CDCP1: variants seen among roughly 807,000 people sequenced by gnomAD.
CDCP1 encodes the protein CUB domain containing protein 1, also known as CUB domain-containing protein 1.
Under a neutral mutation model 60.2 loss-of-function variants are expected in CDCP1, and 29 were observed. The observed-to-expected ratio is 0.48, with a 90% CI of 0.36 to 0.66. The LOEUF is 0.66. Among genes scored for constraint, CDCP1 ranks in the 30% least tolerant of loss-of-function variants. CDCP1 has a pLI of 0.00. For missense variants in CDCP1, 876 were observed against 1,074.3 expected, an observed-to-expected ratio of 0.82 and a Z score of 2.58; for synonymous variants, 387 against 431.1, an observed-to-expected ratio of 0.90 and a Z score of 1.27.
At chr3:45,101,987 T>C (rs1044580491) in intron 4 of CDCP1, among the ~76,000 whole-genome samples, 2 of 152,232 alleles carry the variant, frequency 1.3e-5, no homozygotes, top group African/African-American at 4.8e-5. Context: ...TTCAACACTA[T>C]GCTCCAGTGT....
intron 2 of CDCP1, among the ~76,000 whole-genome samples, chr3:45,116,978 T>G (rs1160944297): frequency 6.6e-6 from 1 of 152,234 alleles, no homozygotes; most frequent in African/African-American, 2.4e-5. Context: ...GCTGTATATT[T>G]GTATTTTCTT....
chr3:45,125,222 G>T (rs927598116), intron 1 of CDCP1, among the ~76,000 whole-genome samples: 1 of 152,210 alleles, frequency 6.6e-6, no homozygotes, highest in African/African-American at 2.4e-5. Flanking sequence ...TGGGGAGTTT[G>T]ATTTGGCCAG....
intron 8 of CDCP1, among the ~76,000 whole-genome samples, 189 bp downstream of exon 8, chr3:45,088,865 C>G (rs115113857): frequency 6.6e-6 from 1 of 151,672 alleles, no homozygotes; most frequent in African/African-American, 2.4e-5. Flanking sequence ...TTTATCCCCC[C>G]CTCACCCCCA....
chr3:45,126,180 T>C (rs952447822), intron 1 of CDCP1, among the ~76,000 whole-genome samples: 6 of 123,396 alleles, frequency 4.9e-5, no homozygotes, highest in African/African-American at 6.5e-5. Context: ...CTTTCCTTCT[T>C]TCTCTCTCTC....
intron 6 of CDCP1, among the ~76,000 whole-genome samples, chr3:45,092,266 T>A (rs144955371): frequency 1.8e-4 from 27 of 152,306 alleles, no homozygotes; most frequent in Non-Finnish European, 8.8e-5. Flanking sequence ...CAGCTTCCCT[T>A]CAGAAATGCT....
In CDCP1 at chr3:45,083,641, G is replaced by A; in HGVS notation, c.*1997C>T. 6.6e-6 allele frequency: 1 copy of A among 152,402 alleles called. No individual in the cohort carries two copies. The highest frequency in any genetic ancestry group is 1.5e-5 in the Non-Finnish European group (1 of 68,184). The allele number at this position is 152,402 out of a possible 1,614,324, so 9.4% of individuals were successfully genotyped here. A position where few individuals can be genotyped will look rare whatever the true frequency, so the allele number is the denominator to read the frequency against. ...ATGAGGGTGTGGGGCTGGATGCGGT[G>A]GCTCACATCTGTAATCCCAGCACTT... On this transcript the variant is annotated 3_prime_UTR_variant, in exon 9 of 9. Coordinates refer to ENST00000296129, the MANE Select transcript of CDCP1 (RefSeq NM_022842.5).
At chr3:45,136,378 C>T (rs547726142) in intron 1 of CDCP1, among the ~76,000 whole-genome samples, 8 of 152,264 alleles carry the variant, frequency 5.3e-5, no homozygotes, top group Admixed American at 1.3e-4. Context: ...AGAGCTATTG[C>T]TAAGGAAGAA....
chr3:45,092,834 A>G (rs1041371126), intron 6 of CDCP1, among the ~76,000 whole-genome samples: 1 of 151,922 alleles, frequency 6.6e-6, no homozygotes, highest in Non-Finnish European at 1.5e-5. Flanking sequence ...GGCTCCAGAG[A>G]CTCGTCTCCC....
intron 1 of CDCP1, among the ~76,000 whole-genome samples, chr3:45,134,960 T>C (rs1442974942): frequency 6.6e-6 from 1 of 152,188 alleles, no homozygotes; most frequent in African/African-American, 2.4e-5. Context: ...GAAGATACTA[T>C]ATCAACAAGG....
Position 45,082,969 on chromosome 3 carries a change from A to C in CDCP1, c.*2669T>G, listed in dbSNP as rs1180466774. The C allele has an allele frequency of 1.3e-5, 2 of 152,226 alleles. No homozygotes were observed. Among genetic ancestry groups the C allele is most frequent in the Non-Finnish European group, 2.9e-5 (2 of 68,054 alleles). 9.4% of individuals were successfully genotyped at this position (152,226 alleles called of 1,614,324 possible). A position where few individuals can be genotyped will look rare whatever the true frequency, so the allele number is the denominator to read the frequency against. On this transcript the variant is annotated 3_prime_UTR_variant, in exon 9 of 9. Coordinates refer to ENST00000296129, the MANE Select transcript of CDCP1 (RefSeq NM_022842.5). ...GGTCTCAGGAGCCAGCAACTTGTCC[A>C]GGAGTTTTGAGCCCTCAGTTGAAGG...
chr3:45,134,614 C>A (rs539951170), intron 1 of CDCP1, among the ~76,000 whole-genome samples: 18 of 152,234 alleles, frequency 1.2e-4, no homozygotes, highest in African/African-American at 4.1e-4. Context: ...TTGTGTCCAG[C>A]AATCTTAAAG....
rs574793682 is a variant in CDCP1, at chr3:45,091,299, C to T, written c.1867G>A (p.Glu623Lys). The change falls in exon 7 of 9, where the codon GAG (glutamate) becomes AAG (lysine). Residue 623 changes from glutamate (E) to lysine (K), a missense_variant. This residue lies in a region of CDCP1 where 726 missense variants were observed against 935.7 expected (regional missense o/e 0.78). Coordinates refer to ENST00000296129, the MANE Select transcript of CDCP1 (RefSeq NM_022842.5). This position sits in a 1 kb window ranked among gnomAD's most constrained non-coding sequence, Gnocchi z 4.8. The stretch of plus-strand genomic sequence containing the variant: ...AAGCTTGGCTTGGGGAGCACATCCT[C>T]GTCCAGGCTGAAGATCTCCTCAGCC... ...TRAEEIFSLD[E>K]DVLPKPSFHH... 7.4e-6 allele frequency: 12 copies of T among 1,614,054 alleles called. No homozygotes were observed. Among genetic ancestry groups the T allele is most frequent in the Middle Eastern group, 1.6e-4 (1 of 6,062 alleles).
rs1334489637 is a variant in CDCP1 at position 45,089,074 on chromosome 3, G to C, written c.2061C>G (p.Ile687Met). 1.5e-5 allele frequency: 25 copies of C among 1,613,876 alleles called. No individual in the cohort carries two copies. Among genetic ancestry groups the C allele is most frequent in the Middle Eastern group, 1.6e-4 (1 of 6,084 alleles). The change falls in exon 8 of 9, where the codon ATC becomes ATG. Residue 687 changes from isoleucine to methionine, a missense_variant. Physicochemically the swap from Ile to Met is conservative, Grantham distance 10. Around this residue, in one of 2 missense-constraint regions of CDCP1, gnomAD observed 726 missense variants for 935.7 expected, o/e 0.78. Coordinates refer to ENST00000296129, the MANE Select transcript of CDCP1 (RefSeq NM_022842.5). Reference sequence around the variant, plus strand: ...CCTACTTCTTTTTCACACAGCAAATGATGAGCCCGAGGGCAGACAGCAGTA... The same window carrying C: ...CCTACTTCTTTTTCACACAGCAAATCATGAGCCCGAGGGCAGACAGCAGTA... ...GVLLLSALGL[I>M]ICCVKKKKKK...
intron 2 of CDCP1, among the ~76,000 whole-genome samples, chr3:45,112,933 A>G (rs1698725028): frequency 6.6e-6 from 1 of 152,198 alleles, no homozygotes; most frequent in Admixed American, 6.5e-5. Context: ...TTTCTTGATC[A>G]CTGACTTAAA....
intron 4 of CDCP1, among the ~76,000 whole-genome samples, chr3:45,098,850 C>G (rs1698444870): frequency 6.6e-6 from 1 of 152,120 alleles, no homozygotes; most frequent in African/African-American, 2.4e-5. Context: ...TCATTTTAAT[C>G]ATTTCCTTAG....
intron 1 of CDCP1, among the ~76,000 whole-genome samples, chr3:45,127,325 G>T (rs912782815): frequency 4.6e-5 from 7 of 152,178 alleles, no homozygotes; most frequent in Admixed American, 3.3e-4. Context: ...AAGGGAACTG[G>T]CATGGTTCCA....
chr3:45,111,257 A>G (rs1698687932), intron 3 of CDCP1, among the ~76,000 whole-genome samples: 1 of 152,232 alleles, frequency 6.6e-6, no homozygotes, highest in African/African-American at 2.4e-5. Flanking sequence ...ATAATTAGGA[A>G]GTGATGAGTT....
upstream of CDCP1, chr3:45,146,460 CCT>C (rs1329654869): frequency 5.9e-6 from 3 of 510,978 alleles, no homozygotes; most frequent in Non-Finnish European, 1.0e-5. Flanking sequence ...GTGCGTCCCT[CCT>C]CTCTCTCCTC....
intron 1 of CDCP1, among the ~76,000 whole-genome samples, chr3:45,128,207 A>G (rs1699034025): frequency 6.6e-6 from 1 of 152,226 alleles, no homozygotes; most frequent in South Asian, 2.1e-4. Context: ...GAGACACAGG[A>G]CTGCACTGGG....
Sources: allele counts gnomAD v4.1 joint callset (sites outside exome capture counted in the v4.1 genomes callset), GRCh38; gene constraint gnomAD v4.1.1; regional missense constraint gnomAD v4.1.1; non-coding constraint Gnocchi (gnomAD v3.1); transcripts MANE v1.5; gene names NCBI Gene and HGNC (gene_info 2026-07-23, HGNC 2026-07-21).